The following PLCL1 variants were observed in gnomAD, a reference collection of about 807,000 sequenced individuals.
PLCL1 encodes inactive phospholipase C-like protein 1.
Under a neutral mutation model 84.4 loss-of-function variants are expected in PLCL1, and 41 were observed. That is an observed-to-expected ratio of 0.49 (90% CI 0.38 to 0.63). The LOEUF is 0.63. Ranked by LOEUF, PLCL1 falls within the 30% of genes least tolerant of loss-of-function variation. The pLI is 0.00. For missense variants in PLCL1, 1,206 were observed against 1,367.8 expected, an observed-to-expected ratio of 0.88 and a Z score of 1.87; for synonymous variants, 490 against 488.3, an observed-to-expected ratio of 1.00 and a Z score of -0.05.
At chr2:198,095,718 G>T (rs1029191588) in intron 3 of PLCL1, among the ~76,000 whole-genome samples, 1 of 152,148 alleles carries the variant, frequency 6.6e-6, no homozygotes, top group African/African-American at 2.4e-5. Context: ...AAAACATTTT[G>T]TAATTTTAGT....
intron 1 of PLCL1, among the ~76,000 whole-genome samples, chr2:198,005,944 G>A (rs374657018): frequency 7.4e-4 from 112 of 152,344 alleles, no homozygotes; most frequent in African/African-American, 2.6e-3. Context: ...CAGTTAATGT[G>A]TGAATATAAT....
intron 1 of PLCL1, among the ~76,000 whole-genome samples, chr2:197,980,013 G>T (rs1690070394): frequency 6.6e-6 from 1 of 152,132 alleles, no homozygotes; most frequent in Non-Finnish European, 1.5e-5. Context: ...ATGTAAAAAA[G>T]AAAATGACAA....
chr2:198,071,890 T>C (rs532434854), intron 1 of PLCL1, among the ~76,000 whole-genome samples: 77 of 151,996 alleles, frequency 5.1e-4, no homozygotes, highest in African/African-American at 1.8e-3. Flanking sequence ...TTAAAATTAT[T>C]TTTTGTCTGA....
chr2:198,044,131 T>C (rs1691733174), intron 1 of PLCL1, among the ~76,000 whole-genome samples: 1 of 152,192 alleles, frequency 6.6e-6, no homozygotes, highest in Admixed American at 6.5e-5. Flanking sequence ...ATAAATAAGG[T>C]ACAAATGTAC....
intron 4 of PLCL1, among the ~76,000 whole-genome samples, chr2:198,102,895 C>T (rs1693379854): frequency 6.6e-6 from 1 of 151,980 alleles, no homozygotes; most frequent in African/African-American, 2.4e-5. Context: ...ATATGATTTC[C>T]ATCTTTAAGG....
chr2:197,890,682 C>CTATATATATATA (rs1553500076), intron 1 of PLCL1, among the ~76,000 whole-genome samples: 94 of 116,120 alleles, frequency 8.1e-4, no homozygotes, highest in South Asian at 2.4e-3. Flanking sequence ...TATTTTTTTG[C>CTATATATATATA]TATATATATA....
intron 1 of PLCL1, among the ~76,000 whole-genome samples, chr2:197,919,361 C>T (rs551293909): frequency 6.6e-6 from 1 of 152,308 alleles, no homozygotes; most frequent in Non-Finnish European, 1.5e-5. Context: ...TAGTTTTGTA[C>T]TGAAGCACAA....
intron 1 of PLCL1, among the ~76,000 whole-genome samples, chr2:197,894,587 A>G (rs1688096991): frequency 6.6e-6 from 1 of 151,924 alleles, no homozygotes; most frequent in African/African-American, 2.4e-5. Context: ...TATTTTATGC[A>G]TGCATGTAAA....
chr2:198,124,266 A>T (rs991821273), intron 5 of PLCL1, among the ~76,000 whole-genome samples: 1 of 152,092 alleles, frequency 6.6e-6, no homozygotes, highest in Non-Finnish European at 1.5e-5. Flanking sequence ...ACAAATACAC[A>T]CATTGTTACT....
rs1015025967 is a variant in PLCL1, at chr2:198,034,438, C to T, written c.241-49320C>T. 6.6e-5 allele frequency among the ~76,000 whole-genome samples: 10 copies of T among 152,188 alleles called. No homozygotes were observed. In the South Asian group the frequency reaches 8.3e-4, roughly 13 times the overall value. On this transcript the variant is annotated intron_variant, in intron 1 of 5. Transcript: ENST00000428675. ...GACACTTGCACACGTATGTTTACTG[C>T]GGCACTATTCACAATAACAAAGACC...
At chr2:198,146,688 A>G in intron 5 of PLCL1, 92 bp from the exon 6 acceptor site, 1 of 1,014,674 alleles carries the variant, frequency 9.9e-7, no homozygotes, top group Non-Finnish European at 1.4e-6. Context: ...TTCCTTATTC[A>G]GCAATGGGCA....
At chr2:198,143,647 G>T (rs1362907293) in intron 5 of PLCL1, among the ~76,000 whole-genome samples, 1 of 152,108 alleles carries the variant, frequency 6.6e-6, no homozygotes, top group African/African-American at 2.4e-5. Flanking sequence ...CAGGGTGGTG[G>T]TTGTTAACAA....
chr2:198,085,515 T>G lies in PLCL1; in HGVS notation c.1998T>G (p.Ile666Met). 6.2e-7 allele frequency: 1 copy of G among 1,614,016 alleles called. No homozygotes were observed. The highest frequency in any genetic ancestry group is 8.5e-7 in the Non-Finnish European group (1 of 1,179,900). Reference sequence around the variant, plus strand: ...ACTTTTGGAATTGTGGCTGTCAGATTGTAGCAATGAATTTTCAGACTCCGG... The same window carrying G: ...ACTTTTGGAATTGTGGCTGTCAGATGGTAGCAATGAATTTTCAGACTCCGG... Reference protein sequence around the residue: ...PQDFWNCGCQIVAMNFQTPGP... With the variant: ...PQDFWNCGCQMVAMNFQTPGP... The change falls in exon 2 of 6, where the codon ATT becomes ATG. Residue 666 changes from isoleucine (I) to methionine (M), a missense_variant. By Grantham distance (10) the Ile-to-Met change is conservative. Transcript: ENST00000428675. The surrounding 1 kb of genome is among the most constrained non-coding windows in gnomAD (Gnocchi z 5.3).
At chr2:197,933,564 T>C (rs1688991875) in intron 1 of PLCL1, among the ~76,000 whole-genome samples, 1 of 152,200 alleles carries the variant, frequency 6.6e-6, no homozygotes, top group Admixed American at 6.5e-5. Flanking sequence ...TTTAGCTATA[T>C]TAGTTAAGGA....
chr2:197,804,967 A>C lies in PLCL1; in HGVS notation c.-133A>C. 4.5e-6 allele frequency: 5 copies of C among 1,102,984 alleles called. No individual in the cohort carries two copies. The highest frequency in any genetic ancestry group is 6.1e-6 in the Non-Finnish European group (5 of 814,312). 68.3% of individuals were successfully genotyped at this position (1,102,984 alleles called of 1,614,324 possible). A position where few individuals can be genotyped will look rare whatever the true frequency, so the allele number is the denominator to read the frequency against. On this transcript the variant is annotated 5_prime_UTR_variant, in exon 1 of 6. Coordinates refer to ENST00000428675, the MANE Select transcript of PLCL1 (RefSeq NM_006226.4). ...TGCCGCCGCCGCCGCCGCCGCCGCCACTGCCGCCGCTGGGCGGTGAAACAA... is the reference window on the plus strand; with the variant it reads ...TGCCGCCGCCGCCGCCGCCGCCGCCCCTGCCGCCGCTGGGCGGTGAAACAA...
At chr2:197,950,709 A>AT (rs1260881455) in intron 1 of PLCL1, among the ~76,000 whole-genome samples, 6 of 152,130 alleles carry the variant, frequency 3.9e-5, no homozygotes, top group African/African-American at 1.4e-4. Context: ...ATATTTTAAT[A>AT]TTTTTACTGA....
At chr2:197,877,435 G>C (rs1219703351) in intron 1 of PLCL1, among the ~76,000 whole-genome samples, 2 of 152,060 alleles carry the variant, frequency 1.3e-5, no homozygotes, top group Non-Finnish European at 2.9e-5. Flanking sequence ...TTGGCCCATA[G>C]TATAGGATAG....
chr2:198,021,842 C>A (rs1165528152), intron 1 of PLCL1, among the ~76,000 whole-genome samples: 1 of 152,174 alleles, frequency 6.6e-6, no homozygotes, highest in Non-Finnish European at 1.5e-5. Context: ...GTCATTCCTT[C>A]TGAAACTATT....
chr2:198,083,975 T>A lies in PLCL1; in HGVS notation c.458T>A (p.Leu153His). Reference protein sequence around the residue: ...ALRWEPSKKDLEKAKLDISAI... With the variant: ...ALRWEPSKKDHEKAKLDISAI... ...CGCTGGGAACCTTCAAAGAAAGACCTCGAGAAAGCCAAGCTTGATATTTCT... is the reference window on the plus strand; with the variant it reads ...CGCTGGGAACCTTCAAAGAAAGACCACGAGAAAGCCAAGCTTGATATTTCT... The change falls in exon 2 of 6, where the codon CTC becomes CAC. Residue 153 changes from leucine to histidine, a missense_variant. Transcript: ENST00000428675. The A allele has an allele frequency of 6.2e-7, 1 of 1,614,100 alleles. No homozygotes were observed. Among genetic ancestry groups the A allele is most frequent in the Non-Finnish European group, 8.5e-7 (1 of 1,179,996 alleles).
Sources: allele counts gnomAD v4.1 joint callset (sites outside exome capture counted in the v4.1 genomes callset), GRCh38; gene constraint gnomAD v4.1.1; non-coding constraint Gnocchi (gnomAD v3.1); transcripts MANE v1.5; gene names NCBI Gene and HGNC (gene_info 2026-07-23, HGNC 2026-07-21).